SYNPO2: variants seen among roughly 807,000 people sequenced by gnomAD.
SYNPO2 encodes synaptopodin-2.
A neutral mutation model predicts 85.0 loss-of-function variants in SYNPO2; 56 were observed. The observed-to-expected ratio is 0.66, with a 90% confidence interval of 0.53 to 0.82. The LOEUF (loss-of-function observed/expected upper bound fraction) is 0.82, where lower values mean the gene tolerates loss of function less well. SYNPO2 is among the 40% of genes least tolerant of loss of function. The probability of loss-of-function intolerance (pLI) is 0.00; values close to 1 mark genes in which losing one functional copy is unlikely to be tolerated. For missense variants in SYNPO2, 1,575 were observed against 1,534.2 expected (o/e 1.03, Z -0.44); for synonymous variants, 602 against 591.1 (o/e 1.02, Z -0.27).
chr4:118,883,062 GT>G (rs111630098), intron 1 of SYNPO2, among the ~76,000 whole-genome samples: 3,825 of 141,330 alleles, frequency 0.027, 58 homozygotes, highest in African/African-American at 0.039. Flanking sequence ...CGCCCCGCCT[GT>G]TTTTTTTTTT....
intron 1 of SYNPO2, among the ~76,000 whole-genome samples, chr4:119,020,079 A>G (rs1363469940): frequency 6.6e-6 from 1 of 152,178 alleles, no homozygotes; most frequent in Non-Finnish European, 1.5e-5. Flanking sequence ...GATCTTAGGT[A>G]CACTAATACA....
At chr4:119,056,387 G>A (rs1164867392) in intron 4 of SYNPO2, among the ~76,000 whole-genome samples, 1 of 151,896 alleles carries the variant, frequency 6.6e-6, no homozygotes, top group Non-Finnish European at 1.5e-5. Flanking sequence ...GATCCTGTCT[G>A]TAAAAAAGAT....
intron 1 of SYNPO2, among the ~76,000 whole-genome samples, chr4:118,957,017 C>G (rs906845962): frequency 2.6e-5 from 4 of 151,542 alleles, no homozygotes; most frequent in Non-Finnish European, 5.9e-5. Context: ...TACACTCCAG[C>G]CTGGGTGACA....
intron 1 of SYNPO2, among the ~76,000 whole-genome samples, chr4:118,957,469 GA>G (rs1212722040): frequency 6.6e-6 from 1 of 152,084 alleles, no homozygotes; most frequent in Non-Finnish European, 1.5e-5. Flanking sequence ...TTGTGATTTG[GA>G]AAGTCACGTA....
rs1319273324 is a variant in SYNPO2, at chr4:119,007,328, T to TA, written c.106-16102_106-16101insA. On this transcript the variant is annotated intron_variant, in intron 1 of 4. Coordinates refer to ENST00000307142, the MANE Select transcript of SYNPO2 (RefSeq NM_133477.3). ...TACACGCACATATAGGCATACTCTA[T>TA]TTTACCACTAACTTTTTTAAAAACT... is the stretch of plus-strand genomic sequence containing the variant. Among the ~76,000 whole-genome samples, 12 of 133,154 alleles carry TA rather than the reference T, an allele frequency of 9.0e-5. No homozygotes were observed. In the East Asian group the frequency reaches 1.1e-3, roughly 12 times the overall value. The allele number at this position is 133,154 out of a possible 152,430, so 87.4% of individuals were successfully genotyped here. A position where few individuals can be genotyped will look rare whatever the true frequency, so the allele number is the denominator to read the frequency against.
At chr4:118,959,748 A>G (rs543163790) in intron 1 of SYNPO2, among the ~76,000 whole-genome samples, 25 of 152,280 alleles carry the variant, frequency 1.6e-4, no homozygotes, top group Non-Finnish European at 2.6e-4. Context: ...TTAGCCCAGC[A>G]CAAAGCTATC....
intron 1 of SYNPO2, among the ~76,000 whole-genome samples, chr4:119,017,854 G>A (rs189723769): frequency 1.3e-5 from 2 of 152,270 alleles, no homozygotes; most frequent in East Asian, 3.9e-4. Context: ...AAGCTGGCAT[G>A]ATTGATAGGC....
At chr4:118,895,628 G>A (rs1408970890) in intron 1 of SYNPO2, among the ~76,000 whole-genome samples, 1 of 152,138 alleles carries the variant, frequency 6.6e-6, no homozygotes, top group Non-Finnish European at 1.5e-5. Context: ...GCTAGACTCT[G>A]GTTGAGTTTG....
intron 4 of SYNPO2, among the ~76,000 whole-genome samples, chr4:119,049,111 T>C (rs947162727): frequency 6.6e-6 from 1 of 152,156 alleles, no homozygotes; most frequent in Admixed American, 6.5e-5. Context: ...TGGATGTATT[T>C]TGAAGTCAGT....
rs750927570 is a variant in SYNPO2 at position 119,027,451 on chromosome 4, T to G, written c.1069+13T>G. The G allele has an allele frequency of 6.4e-7, 1 of 1,566,224 alleles. No homozygotes were observed. Among genetic ancestry groups the G allele is most frequent in the Non-Finnish European group, 8.7e-7 (1 of 1,150,378 alleles). On this transcript the variant is annotated intron_variant, in intron 3 of 4. Transcript: ENST00000307142. ...GCGCGGCATGCACGTAAGTTCTGCC[T>G]GGGCTTTCAGAAGGGGCTTGGGAGT...
intron 1 of SYNPO2, among the ~76,000 whole-genome samples, chr4:118,956,369 A>G (rs556949969): frequency 2.0e-5 from 3 of 152,232 alleles, no homozygotes; most frequent in Non-Finnish European, 4.4e-5. Context: ...AGGTAAAACT[A>G]TTGTGGTCAA....
At chr4:118,912,311 G>A (rs1309177950) in intron 1 of SYNPO2, among the ~76,000 whole-genome samples, 1 of 152,106 alleles carries the variant, frequency 6.6e-6, no homozygotes, top group Admixed American at 6.6e-5. Context: ...CTCCCCAGTA[G>A]CTGGGACTAC....
At chr4:118,944,618 A>G (rs1262456848) in intron 1 of SYNPO2, among the ~76,000 whole-genome samples, 1 of 150,470 alleles carries the variant, frequency 6.6e-6, no homozygotes, top group Admixed American at 6.6e-5. Context: ...TTTACCAACT[A>G]GTAATAATTA....
chr4:118,962,087 G>A (rs968313851), intron 1 of SYNPO2, among the ~76,000 whole-genome samples: 28 of 152,176 alleles, frequency 1.8e-4, no homozygotes, highest in Non-Finnish European at 3.7e-4. Flanking sequence ...GTAGTAGATG[G>A]CTGGTAACTG....
intron 1 of SYNPO2, among the ~76,000 whole-genome samples, chr4:118,944,761 A>AG (rs1432185522): frequency 2.0e-5 from 3 of 152,240 alleles, no homozygotes; most frequent in Non-Finnish European, 4.4e-5. Context: ...TGCCTTATGT[A>AG]GTTTTTCAAT....
At chr4:118,857,978 T>C (rs1731536340) in intron 1 of SYNPO2, among the ~76,000 whole-genome samples, 1 of 152,258 alleles carries the variant, frequency 6.6e-6, no homozygotes, top group Non-Finnish European at 1.5e-5. Context: ...TTGCACTTTC[T>C]GCTTTCATGT....
rs545169168 is a variant in SYNPO2 at position 118,923,783 on chromosome 4, G to A, written c.105+34642G>A. Among the ~76,000 whole-genome samples the A allele has an allele frequency of 2.6e-5, 4 of 151,370 alleles. No individual in the cohort carries two copies. In the East Asian group the frequency reaches 7.8e-4, roughly 29 times the overall value. ...AGATATTGGCTCTTAACATTCTGTA[G>A]CCTTTGTGCTACCCCTATATTGAAA... On this transcript the variant is annotated intron_variant, in intron 1 of 4. Transcript: ENST00000307142.
chr4:118,891,111 A>C (rs551535067), intron 1 of SYNPO2, among the ~76,000 whole-genome samples: 1 of 152,286 alleles, frequency 6.6e-6, no homozygotes, highest in Non-Finnish European at 1.5e-5. Context: ...CTCTATTTTC[A>C]GGATTCAGTA....
intron 1 of SYNPO2, among the ~76,000 whole-genome samples, chr4:118,906,218 T>A (rs955606): frequency 0.64 from 97,641 of 151,912 alleles, 32,103 homozygotes; most frequent in East Asian, 0.82. Flanking sequence ...TGCTTTTTTT[T>A]AAAAAAATAA....
Sources: gnomAD v4.1 joint callset for allele counts (sites outside exome capture counted in the v4.1 genomes callset) on GRCh38, gnomAD v4.1.1 for gene constraint, MANE v1.5 for transcripts, NCBI Gene and HGNC (gene_info 2026-07-23, HGNC 2026-07-21) for gene names.